BICD1: variants seen among roughly 807,000 people sequenced by gnomAD.
The protein encoded by BICD1 is protein bicaudal D homolog 1.
In BICD1, 35 loss-of-function variants were observed where a neutral mutation model predicts 92.5. The observed-to-expected ratio is 0.38, with a 90% CI of 0.29 to 0.50. The LOEUF is 0.50. Among genes scored for constraint, BICD1 ranks in the 20% least tolerant of loss-of-function variants. The probability of loss-of-function intolerance (pLI) is 0.93; values close to 1 mark genes in which losing one functional copy is unlikely to be tolerated. For missense variants in BICD1, 950 were observed against 1,189.8 expected (o/e 0.80, Z 2.97); for synonymous variants, 429 against 465.1 (o/e 0.92, Z 1.00).
chr12:32,252,630 C>T (rs1039959924), intron 2 of BICD1, among the ~76,000 whole-genome samples: 12 of 152,084 alleles, frequency 7.9e-5, no homozygotes, highest in African/African-American at 2.9e-4. Context: ...TAAAGGTTTA[C>T]GAGATTTGCA....
chr12:32,153,290 C>A (rs967187510), intron 1 of BICD1, among the ~76,000 whole-genome samples: 3 of 152,232 alleles, frequency 2.0e-5, no homozygotes, highest in Admixed American at 6.5e-5. Context: ...TGTTTATATA[C>A]CACATTTTCT....
chr12:32,219,539 A>G (rs183876789), intron 2 of BICD1, among the ~76,000 whole-genome samples: 52 of 152,258 alleles, frequency 3.4e-4, no homozygotes, highest in African/African-American at 1.2e-3. Flanking sequence ...TGTTCTGCAT[A>G]CTCCAAAAAT....
At chr12:32,348,938 T>A (rs1938752713) in intron 8 of BICD1, among the ~76,000 whole-genome samples, 1 of 151,962 alleles carries the variant, frequency 6.6e-6, no homozygotes, top group Admixed American at 6.6e-5. Context: ...CTTACCACCT[T>A]CTACCTGTGT....
chr12:32,116,506 C>CTATATATATATATATATA (rs1269090621), intron 1 of BICD1, among the ~76,000 whole-genome samples: 1 of 86,920 alleles, frequency 1.2e-5, no homozygotes, highest in Non-Finnish European at 2.3e-5. Context: ...CTCTCTCTCT[C>CTATATATATATATATATA]TCTCTATATA....
At chr12:32,312,231 C>A (rs1023585900) in intron 4 of BICD1, among the ~76,000 whole-genome samples, 2 of 152,088 alleles carry the variant, frequency 1.3e-5, no homozygotes, top group Admixed American at 6.6e-5. Context: ...AGGTCTCCTT[C>A]TTGAAGCCAT....
At chr12:32,151,693 C>G (rs6488035) in intron 1 of BICD1, among the ~76,000 whole-genome samples, 1 of 152,040 alleles carries the variant, frequency 6.6e-6, no homozygotes, top group African/African-American at 2.4e-5. Context: ...GTGGTGATAA[C>G]AGGGACAGCA....
intron 1 of BICD1, among the ~76,000 whole-genome samples, chr12:32,198,961 T>C (rs1044469073): frequency 6.6e-6 from 1 of 152,208 alleles, no homozygotes; most frequent in Non-Finnish European, 1.5e-5. Flanking sequence ...CTACCTTTAA[T>C]ATTCCATTTT....
chr12:32,347,242 C>T (rs112346400), intron 8 of BICD1, among the ~76,000 whole-genome samples: 9,306 of 151,548 alleles, frequency 0.061, 402 homozygotes, highest in Middle Eastern at 0.13. Flanking sequence ...TGAGCCACTG[C>T]GCCCTGCCCT....
At chr12:32,119,537 C>T (rs1288154761) in intron 1 of BICD1, among the ~76,000 whole-genome samples, 1 of 152,164 alleles carries the variant, frequency 6.6e-6, no homozygotes, top group Non-Finnish European at 1.5e-5. Flanking sequence ...ATATTTCCAA[C>T]TTGAGGACTA....
intron 1 of BICD1, among the ~76,000 whole-genome samples, chr12:32,202,901 G>A (rs573839975): frequency 1.5e-4 from 23 of 152,206 alleles, no homozygotes; most frequent in African/African-American, 3.1e-4. Context: ...GTGAGCCACC[G>A]CACCAGGCCC....
chr12:32,124,630 C>G (rs1455810602), intron 1 of BICD1, among the ~76,000 whole-genome samples: 3 of 152,118 alleles, frequency 2.0e-5, no homozygotes, highest in Non-Finnish European at 4.4e-5. Context: ...GCAAACTCAG[C>G]TTGAATCAGA....
At position 32,334,548 on chromosome 12, in the gene BICD1, C is replaced by G; in HGVS notation, c.2133C>G (p.Asn711Lys). 1.2e-6 allele frequency: 2 copies of G among 1,611,100 alleles called. No homozygotes were observed. The highest frequency in any genetic ancestry group is 1.7e-6 in the Non-Finnish European group (2 of 1,178,674). ...AGGTGGCGCTAGCTAATCTCAAGAACAAATATGAAAATGAAAAAGCAATGG... is the reference window on the plus strand; with the variant it reads ...AGGTGGCGCTAGCTAATCTCAAGAAGAAATATGAAAATGAAAAAGCAATGG... ...TAEVALANLK[N>K]KYENEKAMVT... Residue 711 changes from asparagine (N) to lysine (K), a missense_variant, in exon 6 of 10, where the codon AAC becomes AAG. Transcript: ENST00000652176.
intron 2 of BICD1, among the ~76,000 whole-genome samples, chr12:32,217,588 GA>G (rs1224283109): frequency 6.6e-6 from 1 of 152,182 alleles, no homozygotes; most frequent in Non-Finnish European, 1.5e-5. Context: ...TATGACTTGT[GA>G]AGACAGAGAA....
chr12:32,366,096 T>C (rs772251343), intron 8 of BICD1, among the ~76,000 whole-genome samples: 1 of 152,244 alleles, frequency 6.6e-6, no homozygotes, highest in Non-Finnish European at 1.5e-5. Context: ...GCCTGCCTTA[T>C]ATTGTATTCT....
At chr12:32,154,830 A>G (rs964978608) in intron 1 of BICD1, among the ~76,000 whole-genome samples, 6 of 152,294 alleles carry the variant, frequency 3.9e-5, no homozygotes, top group Admixed American at 2.6e-4. Flanking sequence ...CTGGTACTCA[A>G]AGTCACCTTA....
At chr12:32,207,434 AATATG>A (rs1218288603) in intron 1 of BICD1, among the ~76,000 whole-genome samples, 1 of 152,222 alleles carries the variant, frequency 6.6e-6, no homozygotes, top group African/African-American at 2.4e-5. Flanking sequence ...AAGTATGGAA[AATATG>A]ATATGCTATT....
intron 8 of BICD1, among the ~76,000 whole-genome samples, chr12:32,359,679 C>T (rs1307135358): frequency 2.0e-4 from 31 of 152,088 alleles, no homozygotes; most frequent in Admixed American, 2.0e-3. Context: ...CAAACCATAG[C>T]AGTGGTATCT....
intron 7 of BICD1, chr12:32,338,208 G>A (rs933667861): frequency 5.0e-6 from 1 of 198,160 alleles, no homozygotes. Flanking sequence ...TTGTACCTTT[G>A]GAAATGGTGC....
intron 1 of BICD1, among the ~76,000 whole-genome samples, chr12:32,117,393 T>G (rs1471445350): frequency 1.3e-5 from 2 of 152,232 alleles, no homozygotes; most frequent in Non-Finnish European, 2.9e-5. Flanking sequence ...TGCTTTAATG[T>G]TTGGCATTTC....
Sources: allele counts gnomAD v4.1 joint callset (sites outside exome capture counted in the v4.1 genomes callset), GRCh38; gene constraint gnomAD v4.1.1; transcripts MANE v1.5; gene names NCBI Gene and HGNC (gene_info 2026-07-23, HGNC 2026-07-21).